The following SASS6 variants were observed in gnomAD, a reference collection of about 807,000 sequenced individuals.
The protein encoded by SASS6 is SAS-6 centriolar assembly protein.
A neutral mutation model predicts 94.9 loss-of-function variants in SASS6; 59 were observed. The ratio of observed to expected loss-of-function variants is 0.62; its 90% CI spans 0.50 to 0.77. The LOEUF is 0.77. Among genes scored for constraint, SASS6 ranks in the 30% least tolerant of loss-of-function variants. The pLI is 0.00. For missense variants in SASS6, 698 were observed against 734.1 expected (o/e 0.95, Z 0.57); for synonymous variants, 264 against 270.0 (o/e 0.98, Z 0.22).
intron 14 of SASS6, 141 bp from the exon 15 acceptor site, chr1:100,088,377 ATC>A: frequency 1.9e-6 from 1 of 514,648 alleles, no homozygotes; most frequent in Non-Finnish European, 3.6e-6. Context: ...TGCAGTCCCA[ATC>A]TCCTGGGCTC....
chr1:100,088,411 C>A (rs1384196732), intron 14 of SASS6, among the ~76,000 whole-genome samples, 175 bp from the exon 15 acceptor site: 2 of 152,130 alleles, frequency 1.3e-5, no homozygotes. Context: ...CCACCTCATC[C>A]TTCCAACTAG....
At chr1:100,113,851 CTAATA>C (rs2101674070) in intron 7 of SASS6, among the ~76,000 whole-genome samples, 1 of 151,866 alleles carries the variant, frequency 6.6e-6, no homozygotes, top group South Asian at 2.1e-4. Flanking sequence ...CGATATTGTA[CTAATA>C]TATTTAAACA....
In SASS6 at chr1:100,102,837, C is replaced by T. The variant is rs1570692059; in HGVS notation, c.1674+118G>A. 6.9e-6 allele frequency: 5 copies of T among 721,100 alleles called. No homozygotes were observed. In the East Asian group the frequency reaches 1.3e-4, roughly 18 times the overall value. 44.7% of individuals were successfully genotyped at this position (721,100 alleles called of 1,614,324 possible). Reference sequence around the variant, plus strand: ...TTCAGTAATGTATTTATCTAATACACTACCTACTACTTAACAACTGACCAA... The same window carrying T: ...TTCAGTAATGTATTTATCTAATACATTACCTACTACTTAACAACTGACCAA... On this transcript the variant is annotated intron_variant, in intron 14 of 16. Coordinates refer to ENST00000287482, the MANE Select transcript of SASS6 (RefSeq NM_194292.3).
intron 1 of SASS6, among the ~76,000 whole-genome samples, chr1:100,126,378 T>C (rs1234871243): frequency 6.6e-6 from 1 of 152,210 alleles, no homozygotes; most frequent in African/African-American, 2.4e-5. Flanking sequence ...GATTCTAAAA[T>C]AACATCTAGA....
chr1:100,127,708 T>C (rs1201990328), intron 1 of SASS6, among the ~76,000 whole-genome samples: 1 of 151,764 alleles, frequency 6.6e-6, no homozygotes, highest in South Asian at 2.1e-4. Context: ...TTTCCTGAGC[T>C]GGGCACAGTG....
intron 13 of SASS6, among the ~76,000 whole-genome samples, chr1:100,104,076 G>A (rs753822090): frequency 6.6e-6 from 1 of 152,172 alleles, no homozygotes; most frequent in Non-Finnish European, 1.5e-5. Flanking sequence ...AAGCTACTGG[G>A]AAATGGGGAT....
intron 14 of SASS6, among the ~76,000 whole-genome samples, chr1:100,102,458 C>T (rs1652572122): frequency 1.3e-5 from 2 of 152,140 alleles, no homozygotes. Context: ...AGGCGGATCA[C>T]TTGAGGCCAG....
At chr1:100,131,191 T>C (rs1457965308) in intron 1 of SASS6, among the ~76,000 whole-genome samples, 1 of 151,796 alleles carries the variant, frequency 6.6e-6, no homozygotes. Flanking sequence ...TTTTTTTCTT[T>C]TTCTTTTTTT....
intron 6 of SASS6, among the ~76,000 whole-genome samples, chr1:100,119,415 G>A (rs1315375502): frequency 6.6e-6 from 1 of 152,156 alleles, no homozygotes; most frequent in Non-Finnish European, 1.5e-5. Context: ...AATAAAGAGG[G>A]GTAAGGGGAA....
At chr1:100,100,516 G>A (rs1216992779) in intron 14 of SASS6, among the ~76,000 whole-genome samples, 1 of 152,128 alleles carries the variant, frequency 6.6e-6, no homozygotes, top group Non-Finnish European at 1.5e-5. Context: ...GAAAAAACAC[G>A]TAGTTTTGTG....
intron 1 of SASS6, among the ~76,000 whole-genome samples, chr1:100,128,001 A>G (rs1654747329): frequency 6.6e-6 from 1 of 152,068 alleles, no homozygotes; most frequent in East Asian, 1.9e-4. Flanking sequence ...TTAACTTTTT[A>G]TGGTGCTTTA....
intron 7 of SASS6, 37 bp downstream of exon 7, chr1:100,118,981 T>TA: frequency 1.4e-6 from 2 of 1,441,858 alleles, no homozygotes; most frequent in South Asian, 3.0e-5. Context: ...CTAACAGCAA[T>TA]AAAAGATATT....
chr1:100,121,693 A>G, intron 4 of SASS6, 144 bp from the exon 5 acceptor site: 1 of 547,704 alleles, frequency 1.8e-6, no homozygotes, highest in Admixed American at 3.9e-5. Flanking sequence ...TGGGCAAAAA[A>G]AAGAAAAGAT....
intron 15 of SASS6, among the ~76,000 whole-genome samples, chr1:100,087,223 T>C (rs1651360121): frequency 6.6e-6 from 1 of 152,228 alleles, no homozygotes; most frequent in African/African-American, 2.4e-5. Flanking sequence ...CCTCAAGTGA[T>C]CCACCCACCT....
chr1:100,121,262 A>G (rs946791805), intron 5 of SASS6, 116 bp downstream of exon 5: 1 of 615,420 alleles, frequency 1.6e-6, no homozygotes, highest in Non-Finnish European at 2.7e-6. Context: ...AATTCGTTAT[A>G]TTTCATAAAA....
intron 5 of SASS6, 35 bp from the exon 6 acceptor site, chr1:100,120,494 A>C (rs746715461): frequency 1.1e-6 from 1 of 940,744 alleles, no homozygotes; most frequent in East Asian, 2.4e-5. Flanking sequence ...CACAGTTTAC[A>C]ATGTAATCAT....
At chr1:100,087,932 G>A (rs990312812) in intron 15 of SASS6, among the ~76,000 whole-genome samples, 1 of 152,112 alleles carries the variant, frequency 6.6e-6, no homozygotes, top group African/African-American at 2.4e-5. Flanking sequence ...AAAAAATAAT[G>A]AGTAGATTGT....
chr1:100,105,399 C>T (rs1468075037), intron 13 of SASS6, among the ~76,000 whole-genome samples: 2 of 151,904 alleles, frequency 1.3e-5, no homozygotes, highest in African/African-American at 4.8e-5. Context: ...TGGTGGTGGG[C>T]GCCTATAGTC....
chr1:100,108,786 T>C (rs1653101329), intron 8 of SASS6, among the ~76,000 whole-genome samples: 1 of 152,104 alleles, frequency 6.6e-6, no homozygotes, highest in African/African-American at 2.4e-5. Context: ...TAAATCTCAG[T>C]TCCCTCATTT....
Sources: allele counts gnomAD v4.1 joint callset (sites outside exome capture counted in the v4.1 genomes callset), GRCh38; gene constraint gnomAD v4.1.1; transcripts MANE v1.5; gene names NCBI Gene and HGNC (gene_info 2026-07-23, HGNC 2026-07-21).